Variants in EML6 observed in about 807,000 individuals in gnomAD.
The protein encoded by EML6 is echinoderm microtubule-associated protein-like 6.
EML6 carries 154 observed loss-of-function variants against 240.1 expected under a neutral mutation model. The ratio of observed to expected loss-of-function variants is 0.64; its 90% confidence interval spans 0.56 to 0.73. The LOEUF is 0.73. EML6 is among the 30% of genes least tolerant of loss of function. The pLI is 0.00. For missense variants in EML6, 2,964 were observed against 2,474.6 expected (o/e 1.20, Z -4.20); for synonymous variants, 1,148 against 899.0 (o/e 1.28, Z -4.95).
rs1472902700 is a variant in EML6, at chr2:54,725,474, C to T, written c.197+216C>T. Among the ~76,000 whole-genome samples the T allele has an allele frequency of 6.6e-6, 1 of 152,122 alleles. No individual in the cohort carries two copies. Among genetic ancestry groups the T allele is most frequent in the African/African-American group, 2.4e-5 (1 of 41,430 alleles). ...GGAGAGATGTCTTTTCGCTGTATCC[C>T]TCCGGAATTCTGGCTTTTAAATCTC... On this transcript the variant is annotated intron_variant, in intron 2 of 41. Coordinates refer to ENST00000356458, the MANE Select transcript of EML6 (RefSeq NM_001039753.4). The surrounding 1 kb of genome is among the most constrained non-coding windows in gnomAD (Gnocchi z 4.3).
rs904858474 is a variant in EML6, at chr2:54,962,583, G to T, written c.5029G>T (p.Ala1677Ser). The part of the protein sequence containing the change: ...EIIEVGEKNA[A>S]SNILIDGHME... ...AATTGAAGTTGGTGAAAAAAATGCTGCTTCTAACATCCTGATTGATGGTCA... is the reference window on the plus strand; with the variant it reads ...AATTGAAGTTGGTGAAAAAAATGCTTCTTCTAACATCCTGATTGATGGTCA... Residue 1677 changes from alanine (A) to serine (S), a missense_variant, in exon 36 of 42, where the codon GCT becomes TCT. Ala to Ser is a moderately conservative substitution (Grantham distance 99, BLOSUM62 1). Coordinates refer to ENST00000356458, the MANE Select transcript of EML6 (RefSeq NM_001039753.4). 1.0e-5 allele frequency: 16 copies of T among 1,549,758 alleles called. No individual in the cohort carries two copies. Among genetic ancestry groups the T allele is most frequent in the Admixed American group, 2.0e-5 (1 of 50,556 alleles).
At chr2:54,961,126 G>A (rs944336800) in intron 35 of EML6, among the ~76,000 whole-genome samples, 2 of 148,750 alleles carry the variant, frequency 1.3e-5, no homozygotes, top group East Asian at 2.0e-4. Context: ...ACCTGGAAGG[G>A]TAGTTATGGG....
chr2:54,801,275 A>C (rs1241423736), intron 2 of EML6, among the ~76,000 whole-genome samples: 1 of 151,214 alleles, frequency 6.6e-6, no homozygotes, highest in African/African-American at 2.4e-5. Flanking sequence ...AGATCTCACC[A>C]CTGCATTCCA....
chr2:54,787,617 TG>T (rs1669161924), intron 2 of EML6, among the ~76,000 whole-genome samples: 1 of 152,226 alleles, frequency 6.6e-6, no homozygotes, highest in South Asian at 2.1e-4. Context: ...TGTCACTGAA[TG>T]ATTAATAAAT....
At chr2:54,924,262 C>T (rs1674422961) in intron 26 of EML6, among the ~76,000 whole-genome samples, 1 of 152,134 alleles carries the variant, frequency 6.6e-6, no homozygotes, top group African/African-American at 2.4e-5. Flanking sequence ...GATATTCGAT[C>T]TTGTCAGATG....
chr2:54,752,260 T>C (rs1385584045), intron 2 of EML6, among the ~76,000 whole-genome samples: 1 of 152,350 alleles, frequency 6.6e-6, no homozygotes, highest in South Asian at 2.1e-4. Context: ...GAAAAAATTA[T>C]TCATAGTTGA....
At chr2:54,843,254 C>G (rs1398469431) in intron 7 of EML6, among the ~76,000 whole-genome samples, 2 of 151,988 alleles carry the variant, frequency 1.3e-5, no homozygotes, top group African/African-American at 4.8e-5. Context: ...CATAGCAAGA[C>G]CTTGTCTCTA....
Position 54,892,467 on chromosome 2 carries a change from T to C in EML6, c.2553T>C (p.Thr851=). ...KFWQQAGGGF[T]SKRGTFGSVG... Reference sequence around the variant, plus strand: ...GGTCCACTCTAGGTGGGGGCTTCACTTCTAAAAGAGGAACTTTTGGAAGCG... The same window carrying C: ...GGTCCACTCTAGGTGGGGGCTTCACCTCTAAAAGAGGAACTTTTGGAAGCG... Residue 851 remains threonine, a synonymous_variant, in exon 19 of 42, where the codon ACT becomes ACC. Coordinates refer to ENST00000356458, the MANE Select transcript of EML6 (RefSeq NM_001039753.4). 1.3e-5 allele frequency: 20 copies of C among 1,551,252 alleles called. No homozygotes were observed. Among genetic ancestry groups the C allele is most frequent in the Non-Finnish European group, 1.7e-5 (20 of 1,146,626 alleles).
At chr2:54,900,075 A>G (rs1232123465) in intron 22 of EML6, among the ~76,000 whole-genome samples, 3 of 152,252 alleles carry the variant, frequency 2.0e-5, no homozygotes, top group Non-Finnish European at 2.9e-5. Flanking sequence ...GTGGGAGTCA[A>G]TTGAAATTCA....
intron 25 of EML6, among the ~76,000 whole-genome samples, chr2:54,912,900 T>A (rs1673714993): frequency 6.6e-6 from 1 of 152,186 alleles, no homozygotes; most frequent in South Asian, 2.1e-4. Context: ...GGTAGAACAA[T>A]TCCTTTTCTT....
At position 54,950,766 on chromosome 2, in the gene EML6, G is replaced by A; in HGVS notation, c.4200G>A (p.Gln1400=). 2 of 1,551,476 alleles carry A rather than the reference G, an allele frequency of 1.3e-6. No homozygotes were observed. Among genetic ancestry groups the A allele is most frequent in the Non-Finnish European group, 1.7e-6 (2 of 1,146,934 alleles). ...ACACAGCAGCGGCTGGCATCGTTCAGAACCTCTCCACAGGTAACCGGGGGT... is the reference window on the plus strand; with the variant it reads ...ACACAGCAGCGGCTGGCATCGTTCAAAACCTCTCCACAGGTAACCGGGGGT... ...IFHTAAAGIV[Q]NLSTGSQSFY... The change falls in exon 30 of 42, where the codon CAG becomes CAA. Residue 1400 remains glutamine (Q), a synonymous_variant. Transcript: ENST00000356458.
At position 54,932,190 on chromosome 2, in the gene EML6, A is replaced by G. The variant is rs575944003; in HGVS notation, c.4004+3439A>G. Among the ~76,000 whole-genome samples, 9 of 152,338 alleles carry G rather than the reference A, an allele frequency of 5.9e-5. No homozygotes were observed. In the East Asian group the frequency reaches 1.3e-3, roughly 23 times the overall value. On this transcript the variant is annotated intron_variant, in intron 28 of 41. Transcript: ENST00000356458. Reference sequence around the variant, plus strand: ...CTGGGCTACACCTACCAGATATGTAATGTCCATGAGGTGTTCAGCGGGTAG... The same window carrying G: ...CTGGGCTACACCTACCAGATATGTAGTGTCCATGAGGTGTTCAGCGGGTAG...
chr2:54,893,091 G>T (rs1364040009), intron 19 of EML6, among the ~76,000 whole-genome samples: 3 of 152,176 alleles, frequency 2.0e-5, no homozygotes, highest in Non-Finnish European at 2.9e-5. Context: ...TAACCAACTT[G>T]CTCCTGTGTA....
intron 2 of EML6, chr2:54,747,078 T>G (rs182913131): frequency 6.6e-6 from 1 of 152,358 alleles, no homozygotes; most frequent in Admixed American, 6.5e-5. Flanking sequence ...CCTTTTCCCT[T>G]GTGTTCACAG....
chr2:54,869,769 A>G (rs1308157873), intron 15 of EML6, among the ~76,000 whole-genome samples: 4 of 152,214 alleles, frequency 2.6e-5, no homozygotes, highest in Non-Finnish European at 5.9e-5. Context: ...GTAAGACTGA[A>G]AACCATAAGA....
intron 28 of EML6, among the ~76,000 whole-genome samples, chr2:54,943,142 T>G (rs904278491): frequency 5.9e-5 from 9 of 152,218 alleles, no homozygotes; most frequent in Non-Finnish European, 8.8e-5. Context: ...CTGCCCCTCC[T>G]TCACTGAGAA....
chr2:54,947,961 A>G lies in EML6; in HGVS notation c.4005-921A>G, dbSNP rs1675770915. Among the ~76,000 whole-genome samples, 6 of 152,212 alleles carry G rather than the reference A, an allele frequency of 3.9e-5. No individual in the cohort carries two copies. In the South Asian group the frequency reaches 1.2e-3, roughly 32 times the overall value. On this transcript the variant is annotated intron_variant, in intron 28 of 41. Coordinates refer to ENST00000356458, the MANE Select transcript of EML6 (RefSeq NM_001039753.4). The stretch of plus-strand genomic sequence containing the variant: ...ATGAGGTGGTTGCTAATGCGGCTCT[A>G]AACTGTACTAAGTTTCTCACTTGGC...
At chr2:54,847,753 C>CTA (rs1669847016) in intron 9 of EML6, 130 bp downstream of exon 9, 1 of 786,696 alleles carries the variant, frequency 1.3e-6, no homozygotes, top group African/African-American at 2.1e-5. Context: ...TACTATAGAT[C>CTA]TACGATCCCC....
intron 2 of EML6, among the ~76,000 whole-genome samples, chr2:54,796,827 G>A (rs762358492): frequency 2.0e-5 from 3 of 152,094 alleles, no homozygotes; most frequent in African/African-American, 7.2e-5. Context: ...AGAGGGTTAA[G>A]TGCAGGAGTA....
Sources: gnomAD v4.1 joint callset for allele counts (sites outside exome capture counted in the v4.1 genomes callset) on GRCh38, gnomAD v4.1.1 for gene constraint, Gnocchi (gnomAD v3.1) non-coding constraint, MANE v1.5 for transcripts, NCBI Gene and HGNC (gene_info 2026-07-23, HGNC 2026-07-21) for gene names.